The following P2RX7 variants were observed in gnomAD, a reference collection of about 807,000 sequenced individuals.
The protein encoded by P2RX7 is P2X purinoceptor 7.
P2RX7 carries 62 observed loss-of-function variants against 71.6 expected under a neutral mutation model. The ratio of observed to expected loss-of-function variants is 0.87; its 90% CI spans 0.71 to 1.07. The LOEUF (loss-of-function observed/expected upper bound fraction) is 1.07, where lower values mean the gene tolerates loss of function less well. Among genes scored for constraint, P2RX7 ranks in the 50% least tolerant of loss-of-function variants. P2RX7 has a pLI of 0.00. For synonymous variants in P2RX7, 299 were observed against 283.3 expected (o/e 1.06, Z -0.56); for missense variants, 686 against 748.5 (o/e 0.92, Z 0.97).
At position 121,165,346 on chromosome 12, in the gene P2RX7, C is replaced by G. The variant is rs1373862267; in HGVS notation, c.534-11C>G. The G allele has an allele frequency of 6.2e-6, 10 of 1,612,578 alleles. No individual in the cohort carries two copies. The highest frequency in any genetic ancestry group is 8.5e-6 in the Non-Finnish European group (10 of 1,178,680). On this transcript the variant is annotated splice_polypyrimidine_tract_variant and intron_variant, in intron 5 of 12. Transcript: ENST00000328963. ...CGTCACTAATGGCCATTTTGCATGT[C>G]TCTCTCCCAGGCCTGCTCTCTTGAA... is the stretch of plus-strand genomic sequence containing the variant.
At chr12:121,177,577 T>C in intron 11 of P2RX7, 131 bp downstream of exon 11, 2 of 833,244 alleles carry the variant, frequency 2.4e-6, no homozygotes, top group Non-Finnish European at 3.7e-6. Context: ...TCTACCCCGA[T>C]CAACCAACTC....
At chr12:121,147,351 AGAGT>A (rs2136013576) in intron 1 of P2RX7, among the ~76,000 whole-genome samples, 1 of 152,076 alleles carries the variant, frequency 6.6e-6, no homozygotes, top group East Asian at 1.9e-4. Context: ...TTGGTGGGGG[AGAGT>A]AAGGATTGCA....
At chr12:121,156,184 A>G (rs1286398043) in intron 3 of P2RX7, 37 bp downstream of exon 3, 1 of 1,561,352 alleles carries the variant, frequency 6.4e-7, no homozygotes, top group Admixed American at 1.7e-5. Flanking sequence ...TCAGGTCTTA[A>G]GAGTTCCTGG....
At chr12:121,160,090 CTTCT>C (rs150307370) in intron 3 of P2RX7, among the ~76,000 whole-genome samples, 3,673 of 151,906 alleles carry the variant, frequency 0.024, 151 homozygotes, top group African/African-American at 0.084. Context: ...TATTTTCTTC[CTTCT>C]TTCTTTCTTT....
intron 12 of P2RX7, among the ~76,000 whole-genome samples, chr12:121,181,457 C>T (rs1463326728): frequency 6.6e-6 from 1 of 152,124 alleles, no homozygotes; most frequent in Non-Finnish European, 1.5e-5. Flanking sequence ...TACTAACAAA[C>T]GGTGCTGAAA....
chr12:121,155,150 A>G, intron 2 of P2RX7, 197 bp downstream of exon 2: 1 of 1,494,642 alleles, frequency 6.7e-7, no homozygotes. Context: ...TTGCTTTATC[A>G]AGTCCTACAG....
chr12:121,177,331 A>G lies in P2RX7; in HGVS notation c.1073A>G (p.Tyr358Cys). ...TTCATCGACTTCCTCATCGACACTT[A>G]CTCCAGTAACTGCTGTCGCTCCCAT... ...AVFIDFLIDT[Y>C]SSNCCRSHIY... The change falls in exon 11 of 13, where the codon TAC (tyrosine) becomes TGC (cysteine). Residue 358 changes from tyrosine to cysteine, a missense_variant. Tyr to Cys is a radical substitution (Grantham distance 194, BLOSUM62 -2). Coordinates refer to ENST00000328963, the MANE Select transcript of P2RX7 (RefSeq NM_002562.6). The G allele has an allele frequency of 1.2e-6, 2 of 1,613,856 alleles. No individual in the cohort carries two copies. The highest frequency in any genetic ancestry group is 1.7e-6 in the Non-Finnish European group (2 of 1,179,978).
chr12:121,146,243 C>T (rs1049990484), intron 1 of P2RX7, among the ~76,000 whole-genome samples: 3 of 151,246 alleles, frequency 2.0e-5, no homozygotes, highest in Non-Finnish European at 4.4e-5. Context: ...CCTCTACTGT[C>T]CCAGCCAAGT....
rs765863461 is a variant in P2RX7, at chr12:121,160,949, G to A, written c.411G>A (p.Lys137=). 1 of 1,614,022 alleles carries A rather than the reference G, an allele frequency of 6.2e-7. No individual in the cohort carries two copies. Among genetic ancestry groups the A allele is most frequent in the South Asian group, 1.1e-5 (1 of 91,080 alleles). ...TLCSSDRGCK[K]GWMDPQSKGI... is the part of the protein sequence containing the mutation. The stretch of plus-strand genomic sequence containing the variant: ...GTTCCTCTGACCGAGGTTGTAAAAA[G>A]GGATGGATGGACCCGCAGAGCAAAG... Residue 137 remains lysine, a synonymous_variant, in exon 4 of 13, where the codon AAG becomes AAA. Coordinates refer to ENST00000328963, the MANE Select transcript of P2RX7 (RefSeq NM_002562.6).
chr12:121,171,564 T>A (rs935181194), intron 8 of P2RX7, among the ~76,000 whole-genome samples: 35 of 152,062 alleles, frequency 2.3e-4, no homozygotes, highest in Admixed American at 2.3e-3. Flanking sequence ...TTTAACTTAA[T>A]TATATCTGCA....
chr12:121,178,399 C>CT (rs1178358160), intron 11 of P2RX7, among the ~76,000 whole-genome samples: 2 of 152,258 alleles, frequency 1.3e-5, no homozygotes, highest in East Asian at 3.9e-4. Context: ...CTTCTAAATG[C>CT]TTTATCTATT....
At position 121,177,150 on chromosome 12, in the gene P2RX7, G is replaced by A. The variant is rs146320625; in HGVS notation, c.976G>A (p.Gly326Arg). ...RFDILVFGTG[G>R]KFDIIQLVVY... ...AACTCTCCCACTCTGTTTTTAGGGAGGAAAATTTGACATTATCCAGCTGGT... is the reference window on the plus strand; with the variant it reads ...AACTCTCCCACTCTGTTTTTAGGGAAGAAAATTTGACATTATCCAGCTGGT... The change falls in exon 10 of 13, where the codon GGA becomes AGA. Residue 326 changes from glycine to arginine, a missense_variant. Gly to Arg is a moderately radical substitution (Grantham distance 125, BLOSUM62 -2). Transcript: ENST00000328963. 1.9e-6 allele frequency: 3 copies of A among 1,614,084 alleles called. No individual in the cohort carries two copies. Among genetic ancestry groups the A allele is most frequent in the African/African-American group, 1.3e-5 (1 of 75,048 alleles).
At position 121,185,083 on chromosome 12, in the gene P2RX7, CA is replaced by C. The variant is rs375969132; in HGVS notation, c.*293del. 7.2e-4 allele frequency: 152 copies of C among 211,484 alleles called. No homozygotes were observed. Among genetic ancestry groups the C allele is most frequent in the East Asian group, 2.2e-3 (20 of 9,136 alleles). 13.1% of individuals were successfully genotyped at this position (211,484 alleles called of 1,614,324 possible). A position where few individuals can be genotyped will look rare whatever the true frequency, so the allele number is the denominator to read the frequency against. ...CTGGGAGGCACAGCAAACTGTCCCCCAAAAAAAAAAAAGAGTCCTTACCAAT... is the reference window on the plus strand; with the variant it reads ...CTGGGAGGCACAGCAAACTGTCCCCCAAAAAAAAAAAGAGTCCTTACCAAT... On this transcript the variant is annotated 3_prime_UTR_variant, in exon 13 of 13. Transcript: ENST00000328963.
chr12:121,183,634 T>C (rs1383446543), intron 12 of P2RX7, among the ~76,000 whole-genome samples: 1 of 150,982 alleles, frequency 6.6e-6, no homozygotes, highest in East Asian at 1.9e-4. Context: ...CCAATAGTGC[T>C]AAGTCCTATG....
Position 121,184,360 on chromosome 12 carries a change from C to T in P2RX7, c.1346C>T (p.Thr449Ile). The T allele has an allele frequency of 6.2e-7, 1 of 1,614,086 alleles. No homozygotes were observed. The highest frequency in any genetic ancestry group is 8.5e-7 in the Non-Finnish European group (1 of 1,180,014). Residue 449 changes from threonine (T) to isoleucine (I), a missense_variant, in exon 13 of 13, where the codon ACA becomes ATA. By Grantham distance (89) the Thr-to-Ile change is moderately conservative. Transcript: ENST00000328963. Reference sequence around the variant, plus strand: ...AGGCTGCCCCTGGCCCTCCATGACACACCCCCGATTCCTGGACAACCAGAG... The same window carrying T: ...AGGCTGCCCCTGGCCCTCCATGACATACCCCCGATTCCTGGACAACCAGAG... ...LSRLPLALHD[T>I]PPIPGQPEEI...
intron 2 of P2RX7, chr12:121,155,233 C>A (rs1330716459): frequency 7.2e-7 from 1 of 1,385,544 alleles, no homozygotes; most frequent in Non-Finnish European, 9.5e-7. Context: ...GATTTACCCG[C>A]AGCTTTTTAG....
intron 1 of P2RX7, among the ~76,000 whole-genome samples, chr12:121,147,903 G>A (rs551194445): frequency 6.6e-6 from 1 of 151,840 alleles, no homozygotes; most frequent in Non-Finnish European, 1.5e-5. Flanking sequence ...GTGAGCCACC[G>A]AGCCCAGCCA....
At chr12:121,133,213 C>T in intron 1 of P2RX7, 118 bp downstream of exon 1, 1 of 1,160,414 alleles carries the variant, frequency 8.6e-7, no homozygotes, top group South Asian at 1.3e-5. Context: ...CTGAGACGTG[C>T]TCTCACAGCC....
At chr12:121,182,010 G>GAAC (rs1884221339) in intron 12 of P2RX7, among the ~76,000 whole-genome samples, 1 of 150,194 alleles carries the variant, frequency 6.7e-6, no homozygotes, top group African/African-American at 2.5e-5. Flanking sequence ...GCTGCGGTTA[G>GAAC]CTGAGATCAC....
Sources: gnomAD v4.1 joint callset for allele counts (sites outside exome capture counted in the v4.1 genomes callset) on GRCh38, gnomAD v4.1.1 for gene constraint, MANE v1.5 for transcripts, NCBI Gene and HGNC (gene_info 2026-07-23, HGNC 2026-07-21) for gene names.